The following TMC6 variants were observed in gnomAD, a reference collection of about 807,000 sequenced individuals.
The protein encoded by TMC6 is transmembrane channel like 6.
TMC6 carries 71 observed loss-of-function variants against 95.4 expected under a neutral mutation model. That is an observed-to-expected ratio of 0.74 (90% CI 0.61 to 0.91). The LOEUF is 0.91. TMC6 is among the 40% of genes least tolerant of loss of function. TMC6 has a pLI of 0.00. For missense variants in TMC6, 1,074 were observed against 1,079.1 expected, an observed-to-expected ratio of 1.00 and a Z score of 0.07; for synonymous variants, 514 against 483.1, an observed-to-expected ratio of 1.06 and a Z score of -0.84.
chr17:78,126,490 G>T, intron 3 of TMC6, 34 bp downstream of exon 3: 2 of 1,611,970 alleles, frequency 1.2e-6, no homozygotes, highest in Non-Finnish European at 1.7e-6. Flanking sequence ...CCAAGTCTTG[G>T]TCCACACCAC....
At chr17:78,117,402 G>C in intron 17 of TMC6, 55 bp from the exon 18 acceptor site, 1 of 1,612,158 alleles carries the variant, frequency 6.2e-7, no homozygotes, top group Non-Finnish European at 8.5e-7. Context: ...GGAGCGGCCA[G>C]TCCCCACACG....
upstream of TMC6, among the ~76,000 whole-genome samples, chr17:78,129,505 T>C (rs2074903944): frequency 6.6e-6 from 1 of 152,122 alleles, no homozygotes; most frequent in Non-Finnish European, 1.5e-5. The surrounding 1 kb of genome is among the most constrained non-coding windows in gnomAD (Gnocchi z 4.3). Flanking sequence ...TTTGAGATTG[T>C]ACCCCCCACC....
At position 78,126,299 on chromosome 17, in the gene TMC6, G is replaced by A. The variant is rs758605017; in HGVS notation, c.249C>T (p.Ala83=). The change falls in exon 4 of 20, where the codon GCC becomes GCT. Residue 83 remains alanine, a synonymous_variant. Coordinates refer to ENST00000590602, the MANE Select transcript of TMC6 (RefSeq NM_001127198.5). ...TQSTATLRIL[A]SMPSRTIGRS... Reference sequence around the variant, plus strand: ...CACCAATGGTGCGGCTGGGCATGCTGGCCAGGATGCGGAGTGTGGCCGTGC... The same window carrying A: ...CACCAATGGTGCGGCTGGGCATGCTAGCCAGGATGCGGAGTGTGGCCGTGC... 2 of 1,564,258 alleles carry A rather than the reference G, an allele frequency of 1.3e-6. No homozygotes were observed. Among genetic ancestry groups the A allele is most frequent in the Non-Finnish European group, 1.7e-6 (2 of 1,158,634 alleles).
chr17:78,132,140 C>T, upstream of TMC6: 1 of 1,485,282 alleles, frequency 6.7e-7, no homozygotes, highest in Non-Finnish European at 9.1e-7. Context: ...GGTCCCCCGA[C>T]CAATCGGCCC....
rs1359319657 is a variant in TMC6, at chr17:78,108,458, C to T, written c.*4690G>A. ...GCGCGGCCGAGCCTCAGCAAGAGTTCGTTTTGTGCCTGAGTTACTACTACA... is the reference window on the plus strand; with the variant it reads ...GCGCGGCCGAGCCTCAGCAAGAGTTTGTTTTGTGCCTGAGTTACTACTACA... On this transcript the variant is annotated 3_prime_UTR_variant, in exon 20 of 20. Coordinates refer to ENST00000590602, the MANE Select transcript of TMC6 (RefSeq NM_001127198.5). 6.5e-6 allele frequency: 1 copy of T among 154,808 alleles called. No homozygotes were observed. Among genetic ancestry groups the T allele is most frequent in the Non-Finnish European group, 1.5e-5 (1 of 68,228 alleles). The allele number at this position is 154,808 out of a possible 1,614,324, so 9.6% of individuals were successfully genotyped here.
chr17:78,114,124 G>A (rs1310130580), intron 18 of TMC6, among the ~76,000 whole-genome samples: 1 of 152,208 alleles, frequency 6.6e-6, no homozygotes, highest in African/African-American at 2.4e-5. Flanking sequence ...CTCCAGTCAA[G>A]CATGATCAGG....
Position 78,126,653 on chromosome 17 carries a change from A to T in TMC6, c.57-5T>A. 1 of 1,612,980 alleles carries T rather than the reference A, an allele frequency of 6.2e-7. No homozygotes were observed. Among genetic ancestry groups the T allele is most frequent in the Admixed American group, 1.7e-5 (1 of 60,006 alleles). On this transcript the variant is annotated splice_region_variant and splice_polypyrimidine_tract_variant and intron_variant, in intron 2 of 19. Coordinates refer to ENST00000590602, the MANE Select transcript of TMC6 (RefSeq NM_001127198.5). ...TCATAGGGGCTGGGGCCCTGGCTGC[A>T]GAGGGGGTTGGCGGGGGGGTCAGGC...
rs763981795 is a variant in TMC6, at chr17:78,112,837, G to A, written c.*311C>T. The A allele has an allele frequency of 2.2e-6, 1 of 462,482 alleles. No individual in the cohort carries two copies. Among genetic ancestry groups the A allele is most frequent in the Non-Finnish European group, 3.9e-6 (1 of 258,108 alleles). 28.6% of individuals were successfully genotyped at this position (462,482 alleles called of 1,614,324 possible). ...CTCCAGCTGAGGTTCCCAGGACCCA[G>A]ACCTGCGCCTGGAGGTGGCCCCAGG... On this transcript the variant is annotated 3_prime_UTR_variant, in exon 20 of 20. Coordinates refer to ENST00000590602, the MANE Select transcript of TMC6 (RefSeq NM_001127198.5).
chr17:78,131,742 G>T, upstream of TMC6: 1 of 1,579,328 alleles, frequency 6.3e-7, no homozygotes. Flanking sequence ...CATCTGGTGG[G>T]TGCCACGCGG....
rs887447558 is a variant in TMC6, at chr17:78,112,674, G to A, written c.*474C>T. 8 of 204,808 alleles carry A rather than the reference G, an allele frequency of 3.9e-5. No homozygotes were observed. The highest frequency in any genetic ancestry group is 5.4e-5 in the Admixed American group (1 of 18,664). 12.7% of individuals were successfully genotyped at this position (204,808 alleles called of 1,614,324 possible). A position where few individuals can be genotyped will look rare whatever the true frequency, so the allele number is the denominator to read the frequency against. On this transcript the variant is annotated 3_prime_UTR_variant, in exon 20 of 20. Transcript: ENST00000590602. ...TGACGCATCGCTCTGGTCACAATCC[G>A]TGCCTGCTCGGCTCACTTGTGCAGG...
chr17:78,123,408 T>A (rs1444861372), intron 9 of TMC6, among the ~76,000 whole-genome samples: 1 of 149,430 alleles, frequency 6.7e-6, no homozygotes, highest in East Asian at 2.0e-4. Context: ...GATGGGTGGA[T>A]GAATGGGTGG....
chr17:78,118,019 C>A (rs980975504), intron 15 of TMC6, 84 bp from the exon 16 acceptor site: 3 of 1,546,732 alleles, frequency 1.9e-6, no homozygotes, highest in Non-Finnish European at 2.6e-6. Context: ...GAGGGAAGGG[C>A]GACCAGGGCT....
At chr17:78,116,639 A>T (rs758553963) in intron 18 of TMC6, among the ~76,000 whole-genome samples, 36 of 151,716 alleles carry the variant, frequency 2.4e-4, no homozygotes, top group Non-Finnish European at 4.3e-4. Flanking sequence ...TAATCCTAGC[A>T]CTTTGGGAGG....
chr17:78,126,144 G>A lies in TMC6; in HGVS notation c.271+133C>T, dbSNP rs575594896. 1,301 of 1,328,252 alleles carry A rather than the reference G, an allele frequency of 9.8e-4. 2 individuals are homozygous for A. Among genetic ancestry groups the A allele is most frequent in the Non-Finnish European group, 1.2e-3 (1,154 of 975,288 alleles). The allele number at this position is 1,328,252 out of a possible 1,614,324, so 82.3% of individuals were successfully genotyped here. On this transcript the variant is annotated intron_variant, in intron 4 of 19. Coordinates refer to ENST00000590602, the MANE Select transcript of TMC6 (RefSeq NM_001127198.5). ...AGCAGATGGGATGGGCTAGGAGCCC[G>A]CCCTGGGCCTGGCTCTGAGCTACGG...
At chr17:78,115,849 G>A (rs113418107) in intron 18 of TMC6, among the ~76,000 whole-genome samples, 646 of 35,674 alleles carry the variant, frequency 0.018, 9 homozygotes, top group Middle Eastern at 0.042. Flanking sequence ...TGGGCACAGG[G>A]GCGAAGGGAG....
Position 78,126,023 on chromosome 17 carries a change from A to G in TMC6, c.272-139T>C, listed in dbSNP as rs147617056. 0.026 allele frequency: 33,748 copies of G among 1,286,518 alleles called. 654 individuals are homozygous for G. The highest frequency in any genetic ancestry group is 0.072 in the South Asian group (5,391 of 74,736). 79.7% of individuals were successfully genotyped at this position (1,286,518 alleles called of 1,614,324 possible). A position where few individuals can be genotyped will look rare whatever the true frequency, so the allele number is the denominator to read the frequency against. On this transcript the variant is annotated intron_variant, in intron 4 of 19. Coordinates refer to ENST00000590602, the MANE Select transcript of TMC6 (RefSeq NM_001127198.5). ...CCTTTCAACAAAGACTTCAGGCACCACTGCATTCCGAAAGCCTATTTTTAC... is the reference window on the plus strand; with the variant it reads ...CCTTTCAACAAAGACTTCAGGCACCGCTGCATTCCGAAAGCCTATTTTTAC...
chr17:78,121,239 CG>C lies in TMC6; in HGVS notation c.1384-76del. 6.5e-7 allele frequency: 1 copy of C among 1,538,418 alleles called. No individual in the cohort carries two copies. ...GAGCGGGCAGCTACAGGGAAGGGCC[CG>C]GGGTGGAACTGGCAGGTAGCACCTC... On this transcript the variant is annotated intron_variant, in intron 11 of 19. Transcript: ENST00000590602. The surrounding 1 kb of genome is among the most constrained non-coding windows in gnomAD (Gnocchi z 5.6).
At position 78,114,157 on chromosome 17, in the gene TMC6, C is replaced by T. The variant is rs542685052; in HGVS notation, c.2278-533G>A. ...AGGGCTACATTCCTCCCGGAGGCTT[C>T]GGGGGAGAATCCTCTTCCTCGCCTT... On this transcript the variant is annotated intron_variant, in intron 18 of 19. Transcript: ENST00000590602. 2.0e-4 allele frequency among the ~76,000 whole-genome samples: 30 copies of T among 152,278 alleles called. No individual in the cohort carries two copies. The South Asian group carries it at 4.8e-3, about 24-fold the overall frequency.
chr17:78,123,789 A>AT (rs1567997274), intron 9 of TMC6, among the ~76,000 whole-genome samples, 200 bp downstream of exon 9: 1 of 148,184 alleles, frequency 6.7e-6, no homozygotes, highest in East Asian at 2.1e-4. Flanking sequence ...GGGTGGATGG[A>AT]TGAATGGGTG....
Sources: gnomAD v4.1 joint callset for allele counts (sites outside exome capture counted in the v4.1 genomes callset) on GRCh38, gnomAD v4.1.1 for gene constraint, Gnocchi (gnomAD v3.1) non-coding constraint, MANE v1.5 for transcripts, NCBI Gene and HGNC (gene_info 2026-07-23, HGNC 2026-07-21) for gene names.